DNM2: variants seen among roughly 807,000 people sequenced by gnomAD.
DNM2 encodes dynamin-2.
A neutral mutation model predicts 99.0 loss-of-function variants in DNM2; 15 were observed. The ratio of observed to expected loss-of-function variants is 0.15; its 90% CI spans 0.10 to 0.23. The LOEUF (loss-of-function observed/expected upper bound fraction) is 0.23. DNM2 is among the 10% of genes least tolerant of loss of function. The probability of loss-of-function intolerance (pLI) is 1.00; values close to 1 mark genes in which losing one functional copy is unlikely to be tolerated. For missense variants in DNM2, 742 were observed against 1,189.4 expected, an observed-to-expected ratio of 0.62 and a Z score of 5.53; for synonymous variants, 525 against 481.2, an observed-to-expected ratio of 1.09 and a Z score of -1.19.
intron 1 of DNM2, among the ~76,000 whole-genome samples, chr19:10,724,627 A>G (rs1230194445): frequency 6.6e-6 from 1 of 152,136 alleles, no homozygotes; most frequent in Non-Finnish European, 1.5e-5. Context: ...AGGCCAGTGG[A>G]GGGAGATCAG....
At chr19:10,791,814 A>G (rs1260364823) in intron 7 of DNM2, among the ~76,000 whole-genome samples, 1 of 152,090 alleles carries the variant, frequency 6.6e-6, no homozygotes, top group East Asian at 1.9e-4. Flanking sequence ...GGCTGGGTGC[A>G]GTGGCTCATG....
At chr19:10,759,699 G>C (rs2070551346) in intron 1 of DNM2, 39 bp from the exon 2 acceptor site, 3 of 1,613,322 alleles carry the variant, frequency 1.9e-6, no homozygotes, top group African/African-American at 2.7e-5. Flanking sequence ...CCTCGATCCG[G>C]ACGCAAGAGT....
rs181289872 is a variant in DNM2 at position 10,802,500 on chromosome 19, T to G, written c.1493+142T>G. ...GTCCTGGGGTGAAGGCAGAGCCAAC[T>G]GAGAATATCTGGAAGCTCTCCTGGG... On this transcript the variant is annotated intron_variant, in intron 12 of 20. Coordinates refer to ENST00000389253, the MANE Select transcript of DNM2 (RefSeq NM_001005361.3). The G allele has an allele frequency of 2.4e-4, 213 of 899,158 alleles. 2 individuals are homozygous for G. The East Asian group carries it at 5.4e-3, about 23-fold the overall frequency. The allele number at this position is 899,158 out of a possible 1,614,324, so 55.7% of individuals were successfully genotyped here.
chr19:10,798,477 T>G lies in DNM2; in HGVS notation c.1336-9T>G. The G allele has an allele frequency of 6.2e-7, 1 of 1,613,916 alleles. No individual in the cohort carries two copies. Among genetic ancestry groups the G allele is most frequent in the Non-Finnish European group, 8.5e-7 (1 of 1,179,914 alleles). On this transcript the variant is annotated splice_polypyrimidine_tract_variant and intron_variant, in intron 10 of 20. Coordinates refer to ENST00000389253, the MANE Select transcript of DNM2 (RefSeq NM_001005361.3). ...CCCGCCAATGCGACCACTCTGCTTG[T>G]TCCCCCAGCTCAGTTCCTACCCCCG...
In DNM2 at chr19:10,802,306, A is replaced by G; in HGVS notation, c.1441A>G (p.Ile481Val). 2 of 1,614,006 alleles carry G rather than the reference A, an allele frequency of 1.2e-6. No individual in the cohort carries two copies. The highest frequency in any genetic ancestry group is 1.1e-5 in the South Asian group (1 of 91,084). ...TKDQILLLIDIEQSYINTNHE... is the reference protein window; with the variant it reads ...TKDQILLLIDVEQSYINTNHE... ...CCCCCAGATTCTTCTGCTGATCGAC[A>G]TTGAGCAGTCCTACATCAACACGAA... Residue 481 changes from isoleucine to valine, a missense_variant, in exon 12 of 21, where the codon ATT becomes GTT. Around this residue, in one of 7 missense-constraint regions of DNM2, gnomAD observed 240 missense variants for 431.3 expected, o/e 0.56. Transcript: ENST00000389253.
In DNM2 at chr19:10,782,857, C is replaced by T. The variant is rs112762923; in HGVS notation, c.689-103C>T. 5.8e-4 allele frequency: 885 copies of T among 1,519,240 alleles called. 3 individuals are homozygous for T. The African/African-American group carries it at 0.01, about 18-fold the overall frequency. 94.1% of individuals were successfully genotyped at this position (1,519,240 alleles called of 1,614,324 possible). A position where few individuals can be genotyped will look rare whatever the true frequency, so the allele number is the denominator to read the frequency against. Reference sequence around the variant, plus strand: ...CATGTTATGACAGCTGTGAGTGCCTCGTGGGACAGGATCCATCTCTATACT... The same window carrying T: ...CATGTTATGACAGCTGTGAGTGCCTTGTGGGACAGGATCCATCTCTATACT... On this transcript the variant is annotated intron_variant, in intron 5 of 20. Transcript: ENST00000389253.
Position 10,805,940 on chromosome 19 carries a change from G to C in DNM2, c.1518G>C (p.Leu506=), listed in dbSNP as rs201426481. The change falls in exon 13 of 21, where the codon CTG becomes CTC. Residue 506 remains leucine (L), a synonymous_variant. Transcript: ENST00000389253. ...GTGCCCAGCAGAGGAGCACGCAGCT[G>C]AACAAGAAGAGAGCCATCCCCAATC... ...FANAQQRSTQ[L]NKKRAIPNQG... is the part of the protein sequence containing the mutation. 3.2e-5 allele frequency: 52 copies of C among 1,614,120 alleles called. No homozygotes were observed. In the East Asian group the frequency reaches 9.4e-4, roughly 29 times the overall value.
chr19:10,759,646 G>A (rs930282422), intron 1 of DNM2, 92 bp from the exon 2 acceptor site: 12 of 1,535,978 alleles, frequency 7.8e-6, no homozygotes, highest in Non-Finnish European at 4.5e-6. Context: ...CGCCCAAATT[G>A]CAAGACAGAG....
intron 16 of DNM2, chr19:10,823,515 G>T: frequency 2.2e-6 from 1 of 451,076 alleles, no homozygotes; most frequent in Non-Finnish European, 4.1e-6. Context: ...AGTTGGTGTC[G>T]AGGGTCACAT....
At chr19:10,815,663 T>A (rs1237484004) in intron 15 of DNM2, among the ~76,000 whole-genome samples, 1 of 152,144 alleles carries the variant, frequency 6.6e-6, no homozygotes, top group Non-Finnish European at 1.5e-5. Flanking sequence ...AGCTGGCCAG[T>A]CCCCATGGTC....
Position 10,830,870 on chromosome 19 carries a change from C to A in DNM2, c.2544-108C>A. ...GCTTGCGGAGGTCAGCCTGGGAACA[C>A]CCTGGGGTGGTGTGTGGGTGGGGGC... On this transcript the variant is annotated intron_variant, in intron 20 of 20. Transcript: ENST00000389253. This position sits in a 1 kb window ranked among gnomAD's most constrained non-coding sequence, Gnocchi z 4.8. 1 of 1,375,242 alleles carries A rather than the reference C, an allele frequency of 7.3e-7. No individual in the cohort carries two copies. Among genetic ancestry groups the A allele is most frequent in the Non-Finnish European group, 9.9e-7 (1 of 1,015,192 alleles). The allele number at this position is 1,375,242 out of a possible 1,614,324, so 85.2% of individuals were successfully genotyped here.
At chr19:10,728,685 C>T (rs2069190587) in intron 1 of DNM2, among the ~76,000 whole-genome samples, 1 of 152,122 alleles carries the variant, frequency 6.6e-6, no homozygotes, top group African/African-American at 2.4e-5. Flanking sequence ...CAGGGGCTCA[C>T]ACCTGTAATC....
rs114156633 is a variant in DNM2, at chr19:10,744,744, G to A, written c.162-14994G>A. ...TCACCACAACCGTTTTACAGAGCAG[G>A]ACACCTGTTGCAAGATGGGAGAGAC... On this transcript the variant is annotated intron_variant, in intron 1 of 20. Coordinates refer to ENST00000389253, the MANE Select transcript of DNM2 (RefSeq NM_001005361.3). Among the ~76,000 whole-genome samples, 516 of 152,234 alleles carry A rather than the reference G, an allele frequency of 3.4e-3. 3 individuals are homozygous for A. The highest frequency in any genetic ancestry group is 0.012 in the African/African-American group (490 of 41,548).
chr19:10,744,346 C>T (rs929918443), intron 1 of DNM2, among the ~76,000 whole-genome samples: 1 of 152,084 alleles, frequency 6.6e-6, no homozygotes, highest in Non-Finnish European at 1.5e-5. Flanking sequence ...CCGAGAGATA[C>T]GCTGTGGGGG....
Position 10,825,066 on chromosome 19 carries a change from G to A in DNM2, c.1903G>A (p.Glu635Lys), listed in dbSNP as rs761198315. ...VYPEKDQAEN[E>K]DGAQENTFSM... Reference sequence around the variant, plus strand: ...CCCCTCCCGCTTGCAGGCAGAAAACGAGGATGGGGCCCAGGAGAACACCTT... The same window carrying A: ...CCCCTCCCGCTTGCAGGCAGAAAACAAGGATGGGGCCCAGGAGAACACCTT... Residue 635 changes from glutamate to lysine, a missense_variant, in exon 18 of 21, where the codon GAG (glutamate) becomes AAG (lysine). Coordinates refer to ENST00000389253, the MANE Select transcript of DNM2 (RefSeq NM_001005361.3). The A allele has an allele frequency of 5.6e-6, 9 of 1,614,104 alleles. No homozygotes were observed. The highest frequency in any genetic ancestry group is 1.7e-5 in the Admixed American group (1 of 60,028).
intron 1 of DNM2, among the ~76,000 whole-genome samples, chr19:10,737,869 C>T (rs906055657): frequency 6.6e-6 from 1 of 152,200 alleles, no homozygotes; most frequent in African/African-American, 2.4e-5. Context: ...GTAGCGCAGT[C>T]CCTTGCATGG....
chr19:10,821,141 T>C (rs1011694903), intron 16 of DNM2, among the ~76,000 whole-genome samples: 2 of 152,028 alleles, frequency 1.3e-5, no homozygotes, highest in African/African-American at 2.4e-5. Flanking sequence ...AGTCTCCTGG[T>C]TCCCTCCTGC....
At chr19:10,786,792 T>C (rs2071575511) in intron 7 of DNM2, 86 bp downstream of exon 7, 2 of 1,589,650 alleles carry the variant, frequency 1.3e-6, no homozygotes, top group Non-Finnish European at 1.7e-6. Context: ...GCACCACTCA[T>C]CACTCGTCCA....
intron 1 of DNM2, among the ~76,000 whole-genome samples, chr19:10,739,896 C>T (rs1156780832): frequency 1.3e-5 from 2 of 149,114 alleles, no homozygotes; most frequent in Non-Finnish European, 3.0e-5. Flanking sequence ...AAGAATTCAC[C>T]AATGAAGCCA....
Sources: gnomAD v4.1 joint callset for allele counts (sites outside exome capture counted in the v4.1 genomes callset) on GRCh38, gnomAD v4.1.1 for gene constraint, gnomAD v4.1.1 regional missense constraint, Gnocchi (gnomAD v3.1) non-coding constraint, MANE v1.5 for transcripts, NCBI Gene and HGNC (gene_info 2026-07-23, HGNC 2026-07-21) for gene names.